SNRPN: variants seen among roughly 807,000 people sequenced by gnomAD.
SNRPN encodes small nuclear ribonucleoprotein-associated protein N.
In SNRPN, 7 loss-of-function variants were observed where a neutral mutation model predicts 25.2. That is an observed-to-expected ratio of 0.28 (90% CI 0.16 to 0.52). The LOEUF is 0.52. SNRPN is among the 20% of genes least tolerant of loss of function. The pLI is 0.96. For synonymous variants in SNRPN, 124 were observed against 110.6 expected (o/e 1.12, Z -0.76); for missense variants, 196 against 322.5 (o/e 0.61, Z 3.00).
intron 2 of SNRPN, chr15:24,911,209 T>G (rs1171612372): frequency 2.1e-6 from 1 of 473,650 alleles, no homozygotes; most frequent in Non-Finnish European, 3.6e-6. Context: ...ATTTGGAAAA[T>G]TAACAGCCTG....
intron 3 of SNRPN, among the ~76,000 whole-genome samples, chr15:24,926,416 T>C (rs2152740102): frequency 6.6e-6 from 1 of 152,266 alleles, no homozygotes; most frequent in African/African-American, 2.4e-5. Flanking sequence ...TAAATTATTG[T>C]CCTGACATGA....
At chr15:24,923,876 CGTGTATGTGTGTGTGT>C (rs1167215895) in intron 3 of SNRPN, among the ~76,000 whole-genome samples, 3 of 107,052 alleles carry the variant, frequency 2.8e-5, no homozygotes, top group African/African-American at 1.1e-4. Context: ...TTTTTAGTGC[CGTGTATGTGTGTGTGT>C]GTGTGTGTGT....
At chr15:24,877,688 AC>A (rs2056091129) in intron 1 of SNRPN, among the ~76,000 whole-genome samples, 13 of 149,096 alleles carry the variant, frequency 8.7e-5, no homozygotes, top group South Asian at 4.3e-4. Flanking sequence ...ACACACACAC[AC>A]ACACACAAAC....
chr15:24,975,427 C>G lies in SNRPN; in HGVS notation c.73C>G (p.Arg25Gly), dbSNP rs780552612. 6.2e-7 allele frequency: 1 copy of G among 1,612,926 alleles called. No individual in the cohort carries two copies. Among genetic ancestry groups the G allele is most frequent in the Non-Finnish European group, 8.5e-7 (1 of 1,179,030 alleles). The change falls in exon 5 of 10, where the codon CGA becomes GGA. Residue 25 changes from arginine (R) to glycine (G), a missense_variant. Physicochemically the swap from Arg to Gly is moderately radical, Grantham distance 125 (BLOSUM62 -2). Coordinates refer to ENST00000390687, the MANE Select transcript of SNRPN (RefSeq NM_003097.6). ...YRMRCILQDGRIFIGTFKAFD... is the reference protein window; with the variant it reads ...YRMRCILQDGGIFIGTFKAFD... ...AATGAGATGTATCCTGCAAGATGGC[C>G]GAATCTTCATTGGCACCTTTAAGGC...
At chr15:24,933,246 T>C in intron 3 of SNRPN, among the ~76,000 whole-genome samples, 1 of 151,920 alleles carries the variant, frequency 6.6e-6, no homozygotes, top group East Asian at 1.9e-4. Context: ...GGCGACAGAA[T>C]GAGACCCTGT....
chr15:24,856,053 CT>C (rs901485433), upstream of SNRPN, among the ~76,000 whole-genome samples: 11 of 151,116 alleles, frequency 7.3e-5, no homozygotes, highest in East Asian at 1.9e-4. Flanking sequence ...TTGCTCTCTC[CT>C]TTTTTTTTCC....
chr15:24,909,663 G>A (rs572650096), intron 2 of SNRPN: 44 of 1,227,394 alleles, frequency 3.6e-5, no homozygotes, highest in African/African-American at 1.0e-4. Flanking sequence ...TTTGTTACAC[G>A]AACTATCATC....
At chr15:24,950,658 C>G (rs2062194161), upstream of SNRPN, among the ~76,000 whole-genome samples, 1 of 149,412 alleles carries the variant, frequency 6.7e-6, no homozygotes, top group Non-Finnish European at 1.5e-5. Context: ...AGTGATTCTC[C>G]TACCTCAGCC....
chr15:24,851,185 G>C (rs1400636147), intron 2 of SNRPN: 2 of 152,186 alleles, frequency 1.3e-5, no homozygotes, highest in African/African-American at 2.4e-5. Context: ...TTAAAATAAA[G>C]GAAAATATTC....
intron 1 of SNRPN, among the ~76,000 whole-genome samples, chr15:24,858,942 G>C (rs907832456): frequency 6.6e-6 from 1 of 151,756 alleles, no homozygotes; most frequent in Non-Finnish European, 1.5e-5. Flanking sequence ...AGGCTTATCA[G>C]TACCAGCTCA....
At chr15:24,831,639 C>T (rs764166943) in intron 2 of SNRPN, among the ~76,000 whole-genome samples, 2 of 152,008 alleles carry the variant, frequency 1.3e-5, no homozygotes, top group Non-Finnish European at 2.9e-5. Context: ...TCCCCTACCA[C>T]CCTTAGGCCC....
chr15:24,855,599 G>A (rs1203163925), upstream of SNRPN, among the ~76,000 whole-genome samples: 1 of 151,968 alleles, frequency 6.6e-6, no homozygotes, highest in Non-Finnish European at 1.5e-5. Flanking sequence ...AGACCAGCCT[G>A]GCCAATGTGG....
At chr15:24,834,892 C>A (rs1244637886) in intron 2 of SNRPN, among the ~76,000 whole-genome samples, 3 of 134,782 alleles carry the variant, frequency 2.2e-5, no homozygotes, top group African/African-American at 8.3e-5. Flanking sequence ...CCACTGCACT[C>A]CAGCCTGGGC....
At chr15:24,930,004 G>C (rs369709376) in intron 3 of SNRPN, among the ~76,000 whole-genome samples, 43 of 151,946 alleles carry the variant, frequency 2.8e-4, no homozygotes, top group African/African-American at 9.9e-4. Flanking sequence ...TGGCTAACGC[G>C]GTGAAACCCT....
chr15:24,922,890 C>CTCTTT (rs2060114743), intron 3 of SNRPN, among the ~76,000 whole-genome samples: 1 of 68,170 alleles, frequency 1.5e-5, no homozygotes, highest in Non-Finnish European at 2.5e-5. Flanking sequence ...TAGGCAGATC[C>CTCTTT]TTTTTTTTTT....
chr15:24,879,033 A>G (rs1400053720), intron 1 of SNRPN, among the ~76,000 whole-genome samples: 1 of 151,948 alleles, frequency 6.6e-6, no homozygotes, highest in South Asian at 2.1e-4. Flanking sequence ...TTTTTAAAAT[A>G]TATTTAAAAA....
intron 2 of SNRPN, among the ~76,000 whole-genome samples, chr15:24,890,279 A>G (rs1258794633): frequency 1.3e-5 from 2 of 152,110 alleles, no homozygotes; most frequent in African/African-American, 4.8e-5. Flanking sequence ...CTGGATACCA[A>G]CAAAGATCTG....
At position 24,908,989 on chromosome 15, in the gene SNRPN, A is replaced by G. The variant is rs372958480; in HGVS notation, c.-504-11022A>G. On this transcript the variant is annotated intron_variant, in intron 2 of 11. Transcript: ENST00000400097. ...AGCTTGCATTCTTTTGAGCTACCCA[A>G]TCCTTCTTCTGAGCAAGGGACATTT... The G allele has an allele frequency of 2.3e-4, 331 of 1,411,294 alleles. 1 individual carries two copies. The African/African-American group carries it at 4.1e-3, about 17-fold the overall frequency. The allele number at this position is 1,411,294 out of a possible 1,614,324, so 87.4% of individuals were successfully genotyped here.
intron 1 of SNRPN, among the ~76,000 whole-genome samples, chr15:24,878,501 C>A (rs2056227022): frequency 6.6e-6 from 1 of 152,222 alleles, no homozygotes; most frequent in Non-Finnish European, 1.5e-5. Flanking sequence ...GGGTCTGTTC[C>A]GCTTATGGCG....
Sources: gnomAD v4.1 joint callset for allele counts (sites outside exome capture counted in the v4.1 genomes callset) on GRCh38, gnomAD v4.1.1 for gene constraint, MANE v1.5 for transcripts, NCBI Gene and HGNC (gene_info 2026-07-23, HGNC 2026-07-21) for gene names.